The following R3HDM2 variants were observed in gnomAD, a reference collection of about 807,000 sequenced individuals.
R3HDM2 encodes the protein R3H domain-containing protein 2.
Under a neutral mutation model 124.5 loss-of-function variants are expected in R3HDM2, and 38 were observed. The observed-to-expected ratio is 0.31, with a 90% CI of 0.24 to 0.40. R3HDM2 has a LOEUF of 0.40. R3HDM2 is among the 10% of genes least tolerant of loss of function. R3HDM2 has a pLI of 1.00. For missense variants in R3HDM2, 869 were observed against 1,236.9 expected (o/e 0.70, Z 4.46); for synonymous variants, 391 against 448.0 (o/e 0.87, Z 1.61).
At position 57,256,002 on chromosome 12, in the gene R3HDM2, T is replaced by TC; in HGVS notation, c.2619dup (p.Thr874AspfsTer17). 3 of 1,613,146 alleles carry TC rather than the reference T, an allele frequency of 1.9e-6. No individual in the cohort carries two copies. The highest frequency in any genetic ancestry group is 2.5e-6 in the Non-Finnish European group (3 of 1,179,506). ...TCCCGTGACTCACCAACATCTGCTG[T>TC]CCCCAGGTCAGTGGAGGCAGATTTG... On this transcript the variant is annotated frameshift_variant, in exon 23 of 24. Transcript: ENST00000402412. LOFTEE classifies it high-confidence loss of function.
chr12:57,429,796 C>G (rs1430812040), intron 1 of R3HDM2, among the ~76,000 whole-genome samples: 3 of 151,282 alleles, frequency 2.0e-5, no homozygotes, highest in Non-Finnish European at 4.4e-5. Flanking sequence ...GGTGGAACAA[C>G]AACAAAAAAA....
intron 1 of R3HDM2, among the ~76,000 whole-genome samples, chr12:57,427,602 GGCCTCCCAAAGTGCTGGGACTAT>G (rs1216886095): frequency 6.6e-6 from 1 of 151,884 alleles, no homozygotes; most frequent in East Asian, 2.0e-4. Flanking sequence ...CCCCGTCCTT[GGCCTCCCAAAGTGCTGGGACTAT>G]AGGTGTGAGC....
At chr12:57,411,335 A>G (rs2068985460) in intron 1 of R3HDM2, among the ~76,000 whole-genome samples, 1 of 152,132 alleles carries the variant, frequency 6.6e-6, no homozygotes, top group Non-Finnish European at 1.5e-5. Flanking sequence ...CATCACACTC[A>G]GCTAATTTCT....
chr12:57,353,462 T>C (rs918874694), intron 2 of R3HDM2, among the ~76,000 whole-genome samples: 2 of 152,190 alleles, frequency 1.3e-5, no homozygotes, highest in African/African-American at 2.4e-5. Flanking sequence ...ACAATTTCCA[T>C]GTACTGATAT....
chr12:57,393,458 C>T (rs891411840), intron 2 of R3HDM2, among the ~76,000 whole-genome samples: 2 of 152,050 alleles, frequency 1.3e-5, no homozygotes, highest in South Asian at 4.2e-4. Flanking sequence ...CCAGCCTGGG[C>T]AACACAGCAA....
At chr12:57,353,209 G>GT (rs2060868358) in intron 2 of R3HDM2, among the ~76,000 whole-genome samples, 1 of 152,018 alleles carries the variant, frequency 6.6e-6, no homozygotes. Context: ...CAGACTGCAA[G>GT]TTTTTTTGTG....
chr12:57,270,859 G>A (rs918516056), intron 14 of R3HDM2, among the ~76,000 whole-genome samples: 14 of 152,272 alleles, frequency 9.2e-5, no homozygotes, highest in African/African-American at 2.9e-4. Flanking sequence ...GTGAGCCACC[G>A]CGCCTGGCCT....
intron 17 of R3HDM2, 109 bp downstream of exon 17, chr12:57,268,813 G>A (rs940695861): frequency 8.5e-5 from 114 of 1,338,884 alleles, no homozygotes; most frequent in Non-Finnish European, 1.1e-4. Context: ...CTAGGGGAAA[G>A]TAGACACTAT....
chr12:57,294,012 G>A (rs971571888), intron 10 of R3HDM2, among the ~76,000 whole-genome samples: 2 of 152,138 alleles, frequency 1.3e-5, no homozygotes, highest in Non-Finnish European at 2.9e-5. Flanking sequence ...CCACCTCCCA[G>A]TAATATAACT....
intron 2 of R3HDM2, among the ~76,000 whole-genome samples, chr12:57,340,294 C>T (rs771184337): frequency 2.9e-4 from 44 of 152,146 alleles, no homozygotes; most frequent in Non-Finnish European, 4.1e-4. Context: ...GAGCAGTCTC[C>T]CAGCAACGAT....
intron 2 of R3HDM2, among the ~76,000 whole-genome samples, chr12:57,356,183 T>C (rs2061272803): frequency 6.6e-6 from 1 of 152,144 alleles, no homozygotes; most frequent in Non-Finnish European, 1.5e-5. Context: ...CCACTAAGTA[T>C]TATATTAGCT....
chr12:57,285,726 C>T (rs2047192559), intron 12 of R3HDM2, among the ~76,000 whole-genome samples: 1 of 152,068 alleles, frequency 6.6e-6, no homozygotes, highest in African/African-American at 2.4e-5. Flanking sequence ...ACAGCAGTGG[C>T]AATAGATGAG....
intron 2 of R3HDM2, among the ~76,000 whole-genome samples, chr12:57,313,093 C>T (rs187948006): frequency 1.8e-4 from 28 of 152,158 alleles, no homozygotes; most frequent in Non-Finnish European, 2.9e-4. Context: ...AACCTATAGA[C>T]CTTCATGGAT....
intron 1 of R3HDM2, among the ~76,000 whole-genome samples, chr12:57,396,699 A>G (rs1342035660): frequency 1.3e-5 from 2 of 150,762 alleles, no homozygotes; most frequent in Non-Finnish European, 3.0e-5. Context: ...AATTGCTTGA[A>G]CCCAGGAGGC....
intron 3 of R3HDM2, among the ~76,000 whole-genome samples, chr12:57,309,507 A>G (rs1324330890): frequency 1.3e-5 from 2 of 152,242 alleles, no homozygotes; most frequent in African/African-American, 2.4e-5. Context: ...CATGGCAAAC[A>G]AAGAGTGAAA....
chr12:57,379,568 G>A (rs983004484), intron 2 of R3HDM2, among the ~76,000 whole-genome samples: 5 of 150,966 alleles, frequency 3.3e-5, no homozygotes, highest in Non-Finnish European at 5.9e-5. Context: ...CAACAAGAGC[G>A]AAAATCCGTC....
At chr12:57,367,771 C>T (rs544576700) in intron 2 of R3HDM2, among the ~76,000 whole-genome samples, 17 of 152,278 alleles carry the variant, frequency 1.1e-4, no homozygotes, top group East Asian at 5.8e-4. Flanking sequence ...CTTCCTGTTA[C>T]GCAGCTATCA....
chr12:57,280,495 C>G lies in R3HDM2; in HGVS notation c.1207G>C (p.Val403Leu). Residue 403 changes from valine (V) to leucine (L), a missense_variant, in exon 14 of 24, where the codon GTC (valine) becomes CTC (leucine). Around this residue, in one of 2 missense-constraint regions of R3HDM2, gnomAD observed 602 missense variants for 789.2 expected, o/e 0.76. Coordinates refer to ENST00000402412, the MANE Select transcript of R3HDM2 (RefSeq NM_001394031.1). Reference protein sequence around the residue: ...ALGAPEVCNQVTSSQSVRGLL... With the variant: ...ALGAPEVCNQLTSSQSVRGLL... The stretch of plus-strand genomic sequence containing the variant: ...CCCCGGACAGACTGGGATGAGGTGA[C>G]CTGGTTGCACACTTCTGGGGCACCT... The G allele has an allele frequency of 6.2e-7, 1 of 1,613,120 alleles. No homozygotes were observed. The highest frequency in any genetic ancestry group is 8.5e-7 in the Non-Finnish European group (1 of 1,179,420).
intron 19 of R3HDM2, among the ~76,000 whole-genome samples, chr12:57,266,017 G>C (rs1175346203): frequency 1.3e-5 from 2 of 151,160 alleles, no homozygotes; most frequent in East Asian, 1.9e-4. Flanking sequence ...GGCTGGTCTT[G>C]AACTCCTGAC....
Sources: allele counts gnomAD v4.1 joint callset (sites outside exome capture counted in the v4.1 genomes callset), GRCh38; gene constraint gnomAD v4.1.1; regional missense constraint gnomAD v4.1.1; transcripts MANE v1.5; gene names NCBI Gene and HGNC (gene_info 2026-07-23, HGNC 2026-07-21).